KLHL29: variants seen among roughly 807,000 people sequenced by gnomAD.
KLHL29 encodes kelch like family member 29.
Under a neutral mutation model 80.4 loss-of-function variants are expected in KLHL29, and 21 were observed. The ratio of observed to expected loss-of-function variants is 0.26; its 90% CI spans 0.19 to 0.38. KLHL29 has a LOEUF of 0.38. Ranked by LOEUF, KLHL29 falls within the 10% of genes least tolerant of loss-of-function variation. KLHL29 has a pLI of 1.00. For synonymous variants in KLHL29, 511 were observed against 526.8 expected, an observed-to-expected ratio of 0.97 and a Z score of 0.41; for missense variants, 867 against 1,223.9, an observed-to-expected ratio of 0.71 and a Z score of 4.35.
At chr2:23,555,719 A>G (rs1490332780) in intron 2 of KLHL29, among the ~76,000 whole-genome samples, 3 of 152,096 alleles carry the variant, frequency 2.0e-5, no homozygotes, top group Non-Finnish European at 4.4e-5. Flanking sequence ...GCAGGAATAC[A>G]CCCTTCACCG....
chr2:23,605,107 CTTTTTTTTTTTT>C (rs386389703), intron 3 of KLHL29, among the ~76,000 whole-genome samples: 2 of 92,478 alleles, frequency 2.2e-5, no homozygotes, highest in Non-Finnish European at 4.1e-5. Flanking sequence ...TCCTTTGTTG[CTTTTTTTTTTTT>C]TTTTTTTTTT....
rs533259649 is a variant in KLHL29 at position 23,419,761 on chromosome 2, C to T, written c.-154+33981C>T. On this transcript the variant is annotated intron_variant, in intron 1 of 13. Coordinates refer to ENST00000486442, the MANE Select transcript of KLHL29 (RefSeq NM_052920.2). ...GGGGTCTGAGGGCTCCCGTGGGCTGCGCTTTGGGGTGCGGCTGGTCTCTCA... is the reference window on the plus strand; with the variant it reads ...GGGGTCTGAGGGCTCCCGTGGGCTGTGCTTTGGGGTGCGGCTGGTCTCTCA... Among the ~76,000 whole-genome samples the T allele has an allele frequency of 1.4e-4, 22 of 152,228 alleles. No homozygotes were observed. The South Asian group carries it at 3.5e-3, about 24-fold the overall frequency.
chr2:23,513,407 C>T (rs781111045), intron 2 of KLHL29, among the ~76,000 whole-genome samples: 5 of 152,180 alleles, frequency 3.3e-5, no homozygotes, highest in Non-Finnish European at 5.9e-5. Context: ...TGCCTGCCCT[C>T]GGAAATCCTC....
At chr2:23,460,148 G>C (rs754498954) in intron 1 of KLHL29, among the ~76,000 whole-genome samples, 2 of 152,182 alleles carry the variant, frequency 1.3e-5, no homozygotes, top group South Asian at 4.1e-4. Context: ...TCAACCTTGA[G>C]TAGGATATTT....
intron 1 of KLHL29, among the ~76,000 whole-genome samples, chr2:23,403,786 G>T (rs1666655866): frequency 6.7e-6 from 1 of 150,350 alleles, no homozygotes; most frequent in Admixed American, 6.6e-5. Flanking sequence ...AGACAGGGAA[G>T]AATTTTCTCA....
rs778346956 is a variant in KLHL29, at chr2:23,642,534, G to A, written c.624G>A (p.Gln208=). The A allele has an allele frequency of 1.5e-5, 23 of 1,539,168 alleles. No individual in the cohort carries two copies. The highest frequency in any genetic ancestry group is 4.4e-6 in the Non-Finnish European group (5 of 1,138,356). The change falls in exon 5 of 14, where the codon CAG becomes CAA. Residue 208 remains glutamine, a synonymous_variant. Coordinates refer to ENST00000486442, the MANE Select transcript of KLHL29 (RefSeq NM_052920.2). The stretch of plus-strand genomic sequence containing the variant: ...TGCCAGGCCACTACTCGCTCCCTCA[G>A]CCGCCCTCTCAGCCACTGAGCAGCG... The part of the protein sequence containing the change: ...PLMPGHYSLP[Q]PPSQPLSSVV...
At chr2:23,560,656 G>A (rs1667425210) in intron 2 of KLHL29, among the ~76,000 whole-genome samples, 1 of 152,230 alleles carries the variant, frequency 6.6e-6, no homozygotes, top group African/African-American at 2.4e-5. Context: ...ACATCCAGCT[G>A]AAGAAGTTAT....
chr2:23,437,908 C>T (rs1165586195), intron 1 of KLHL29, among the ~76,000 whole-genome samples: 2 of 152,100 alleles, frequency 1.3e-5, no homozygotes, highest in Non-Finnish European at 2.9e-5. Flanking sequence ...GGCAGTATGG[C>T]CATTTTCGCA....
At chr2:23,656,101 G>C (rs1299001526) in intron 5 of KLHL29, among the ~76,000 whole-genome samples, 2 of 152,226 alleles carry the variant, frequency 1.3e-5, no homozygotes, top group Non-Finnish European at 2.9e-5. Context: ...GGGACCATCT[G>C]TCCCTCTTCT....
rs1054524510 is a variant in KLHL29, at chr2:23,647,716, G to A, written c.940+4866G>A. Among the ~76,000 whole-genome samples the A allele has an allele frequency of 5.3e-5, 8 of 152,064 alleles. No homozygotes were observed. The highest frequency in any genetic ancestry group is 1.9e-4 in the East Asian group (1 of 5,160). On this transcript the variant is annotated intron_variant, in intron 5 of 13. Transcript: ENST00000486442. This position sits in a 1 kb window ranked among gnomAD's most constrained non-coding sequence, Gnocchi z 4.9. ...ACAACCCAGTTGCTCTGGGGACAAC[G>A]GCCAGCGCTGACTCGGTGCTTGCCA...
intron 5 of KLHL29, among the ~76,000 whole-genome samples, chr2:23,649,318 C>A (rs73919798): frequency 6.6e-6 from 1 of 152,190 alleles, no homozygotes; most frequent in Non-Finnish European, 1.5e-5. Context: ...CAAGGTTCTT[C>A]GTCCTCGCCT....
At chr2:23,652,079 C>T (rs894482221) in intron 5 of KLHL29, among the ~76,000 whole-genome samples, 1 of 152,210 alleles carries the variant, frequency 6.6e-6, no homozygotes, top group African/African-American at 2.4e-5. Flanking sequence ...AGGGTAGCCC[C>T]TCACAAGGCA....
chr2:23,562,719 G>C lies in KLHL29; in HGVS notation c.285+238G>C, dbSNP rs1011684369. The stretch of plus-strand genomic sequence containing the variant: ...TGTAGGAAGACAAGCAGGTGCTGAG[G>C]CCACTCATTGTCCTATGCCATGTTG... On this transcript the variant is annotated intron_variant, in intron 3 of 13. Coordinates refer to ENST00000486442, the MANE Select transcript of KLHL29 (RefSeq NM_052920.2). The surrounding 1 kb of genome is among the most constrained non-coding windows in gnomAD (Gnocchi z 4.5). Among the ~76,000 whole-genome samples, 1 of 152,220 alleles carries C rather than the reference G, an allele frequency of 6.6e-6. No individual in the cohort carries two copies. Among genetic ancestry groups the C allele is most frequent in the African/African-American group, 2.4e-5 (1 of 41,450 alleles).
chr2:23,700,872 GCCCTCTGAGGACGCCTCTCAGCTC>G lies in KLHL29; in HGVS notation c.2106-2307_2106-2284del, dbSNP rs770193727. On this transcript the variant is annotated intron_variant, in intron 11 of 13. Coordinates refer to ENST00000486442, the MANE Select transcript of KLHL29 (RefSeq NM_052920.2). The surrounding 1 kb of genome is among the most constrained non-coding windows in gnomAD (Gnocchi z 4.6). ...CTCACTCGCTGTTGGGACCTTGGCT[GCCCTCTGAGGACGCCTCTCAGCTC>G]CCCTCTTAAAGACTACATTTCCCCA... Among the ~76,000 whole-genome samples the G allele has an allele frequency of 2.0e-5, 3 of 152,130 alleles. No homozygotes were observed. The highest frequency in any genetic ancestry group is 4.4e-5 in the Non-Finnish European group (3 of 68,028).
chr2:23,476,126 C>T (rs1054611950), intron 2 of KLHL29, among the ~76,000 whole-genome samples: 8 of 152,112 alleles, frequency 5.3e-5, no homozygotes, highest in Non-Finnish European at 1.0e-4. Context: ...CTACCCGCTT[C>T]AGCCTCCCAA....
chr2:23,512,489 G>T (rs1243144051), intron 2 of KLHL29, among the ~76,000 whole-genome samples: 2 of 152,006 alleles, frequency 1.3e-5, no homozygotes, highest in African/African-American at 4.8e-5. Flanking sequence ...CTATCACATT[G>T]TGATATGGCA....
chr2:23,545,115 G>A (rs566393155), intron 2 of KLHL29, among the ~76,000 whole-genome samples: 32 of 152,268 alleles, frequency 2.1e-4, no homozygotes, highest in Middle Eastern at 3.4e-3. Flanking sequence ...GTGGACGTGG[G>A]AAGAAGTGGT....
At chr2:23,456,330 G>T (rs1244139490) in intron 1 of KLHL29, among the ~76,000 whole-genome samples, 1 of 152,234 alleles carries the variant, frequency 6.6e-6, no homozygotes, top group African/African-American at 2.4e-5. Context: ...GGGACTGAGA[G>T]GGAGCCACCT....
chr2:23,589,199 G>A (rs1458515320), intron 3 of KLHL29, among the ~76,000 whole-genome samples: 1 of 152,268 alleles, frequency 6.6e-6, no homozygotes, highest in Non-Finnish European at 1.5e-5. Context: ...TCCTGGGCTT[G>A]TGCCTTGCCT....
Sources: gnomAD v4.1 joint callset for allele counts (sites outside exome capture counted in the v4.1 genomes callset) on GRCh38, gnomAD v4.1.1 for gene constraint, Gnocchi (gnomAD v3.1) non-coding constraint, MANE v1.5 for transcripts, NCBI Gene and HGNC (gene_info 2026-07-23, HGNC 2026-07-21) for gene names.